MYOM1: variants seen among roughly 807,000 people sequenced by gnomAD.
MYOM1 encodes the protein myomesin-1.
A neutral mutation model predicts 205.3 loss-of-function variants in MYOM1; 164 were observed. The ratio of observed to expected loss-of-function variants is 0.80; its 90% confidence interval spans 0.70 to 0.91. The LOEUF (loss-of-function observed/expected upper bound fraction) is 0.91, where lower values mean the gene tolerates loss of function less well. Ranked by LOEUF, MYOM1 falls within the 40% of genes least tolerant of loss-of-function variation. MYOM1 has a pLI of 0.00. For missense variants in MYOM1, 2,011 were observed against 2,127.3 expected (o/e 0.95, Z 1.08); for synonymous variants, 772 against 789.4 (o/e 0.98, Z 0.37).
chr18:3,110,881 T>C (rs1457166637), intron 22 of MYOM1, among the ~76,000 whole-genome samples: 5 of 151,376 alleles, frequency 3.3e-5, no homozygotes, highest in African/African-American at 9.7e-5. Flanking sequence ...ACAGGCAAGA[T>C]TGAAAACTAC....
Position 3,067,280 on chromosome 18 carries a change from A to G in MYOM1, c.5040T>C (p.Gly1680=), listed in dbSNP as rs2230164. Residue 1680 remains glycine, a synonymous_variant, in exon 38 of 38, where the codon GGT becomes GGC. Coordinates refer to ENST00000356443, the MANE Select transcript of MYOM1 (RefSeq NM_003803.4). The part of the protein sequence containing the change: ...ARMAALESLK[G]GKKAK The stretch of plus-strand genomic sequence containing the variant: ...CCTCCGGTCACTTGGCCTTCTTGCC[A>G]CCTTTCAGGGACTCCAAGGCGGCCA... 787,184 of 1,602,184 alleles carry G rather than the reference A, an allele frequency of 0.49. 198,578 individuals carry two copies. The highest frequency in any genetic ancestry group is 0.79 in the African/African-American group (59,369 of 74,734).
At chr18:3,205,478 T>C (rs1397498442) in intron 2 of MYOM1, among the ~76,000 whole-genome samples, 1 of 152,138 alleles carries the variant, frequency 6.6e-6, no homozygotes, top group East Asian at 1.9e-4. Flanking sequence ...GTTAACAAAA[T>C]TGGTCATTAA....
At chr18:3,107,521 C>G (rs2079467489) in intron 22 of MYOM1, among the ~76,000 whole-genome samples, 1 of 152,170 alleles carries the variant, frequency 6.6e-6, no homozygotes, top group African/African-American at 2.4e-5. Context: ...TTAAATTCCA[C>G]AAATGTCTTA....
At chr18:3,208,689 T>G (rs2081155984) in intron 2 of MYOM1, among the ~76,000 whole-genome samples, 1 of 152,230 alleles carries the variant, frequency 6.6e-6, no homozygotes, top group South Asian at 2.1e-4. Flanking sequence ...TTGTATTGAT[T>G]TTTGTTACCC....
intron 5 of MYOM1, among the ~76,000 whole-genome samples, chr18:3,182,874 G>A (rs554279521): frequency 1.2e-4 from 18 of 151,476 alleles, no homozygotes; most frequent in African/African-American, 4.4e-4. Flanking sequence ...TTCACGGTAG[G>A]GGTGCAGCAG....
At chr18:3,107,889 G>A (rs2079472389) in intron 22 of MYOM1, among the ~76,000 whole-genome samples, 3 of 152,214 alleles carry the variant, frequency 2.0e-5, no homozygotes, top group Admixed American at 1.3e-4. Flanking sequence ...ACTAATGGGA[G>A]GTTACAAGAC....
chr18:3,119,190 A>G (rs966736602), intron 20 of MYOM1, among the ~76,000 whole-genome samples: 1 of 152,132 alleles, frequency 6.6e-6, no homozygotes, highest in Admixed American at 6.5e-5. Context: ...TGACCTCTGA[A>G]GAACAGTATT....
At chr18:3,195,310 T>C (rs2080980297) in intron 2 of MYOM1, among the ~76,000 whole-genome samples, 1 of 152,232 alleles carries the variant, frequency 6.6e-6, no homozygotes, top group Admixed American at 6.5e-5. Flanking sequence ...TTTTCTATGA[T>C]GAGCATTAAA....
rs2143747641 is a variant in MYOM1 at position 3,098,920 on chromosome 18, G to A, written c.3727+1239C>T. ...TGCGCCCTACAGTCGTGTCTCATGGGCCCTCCACTCTGCTACTTTGCTGAA... is the reference window on the plus strand; with the variant it reads ...TGCGCCCTACAGTCGTGTCTCATGGACCCTCCACTCTGCTACTTTGCTGAA... On this transcript the variant is annotated intron_variant, in intron 25 of 37. Coordinates refer to ENST00000356443, the MANE Select transcript of MYOM1 (RefSeq NM_003803.4). 2.0e-5 allele frequency among the ~76,000 whole-genome samples: 3 copies of A among 152,272 alleles called. No homozygotes were observed. In the South Asian group the frequency reaches 6.2e-4, roughly 32 times the overall value.
Position 3,119,916 on chromosome 18 carries a change from G to C in MYOM1, c.3071C>G (p.Ala1024Gly). 6.2e-7 allele frequency: 1 copy of C among 1,612,706 alleles called. No individual in the cohort carries two copies. Among genetic ancestry groups the C allele is most frequent in the Non-Finnish European group, 8.5e-7 (1 of 1,179,470 alleles). Residue 1024 changes from alanine (A) to glycine (G), a missense_variant, in exon 20 of 38, where the codon GCA becomes GGA. Transcript: ENST00000356443. ...TTCACATTTGAAGCATTCGCTTACT[G>C]CGGAGGGCGCGCCCAGCCCAGCCAT... Reference protein sequence around the residue: ...MNMAGLGAPSAVSECFKCEEW... With the variant: ...MNMAGLGAPSGVSECFKCEEW...
chr18:3,076,747 T>TCTCTC (rs1374940082), intron 34 of MYOM1, among the ~76,000 whole-genome samples: 2 of 148,400 alleles, frequency 1.3e-5, no homozygotes, highest in Non-Finnish European at 3.0e-5. Context: ...TGAGACGGAG[T>TCTCTC]TCTGTCACCA....
intron 16 of MYOM1, among the ~76,000 whole-genome samples, chr18:3,133,327 G>A (rs1318526462): frequency 2.0e-5 from 3 of 152,092 alleles, no homozygotes; most frequent in Non-Finnish European, 1.5e-5. Flanking sequence ...GCTGCCGAAC[G>A]AGTCTATTTG....
intron 10 of MYOM1, among the ~76,000 whole-genome samples, chr18:3,159,165 G>C (rs965611578): frequency 1.3e-5 from 2 of 152,116 alleles, no homozygotes; most frequent in African/African-American, 4.8e-5. Flanking sequence ...CCTGTGGGTG[G>C]CAGACTTACG....
chr18:3,163,697 A>G (rs1329856747), intron 10 of MYOM1, among the ~76,000 whole-genome samples: 1 of 152,110 alleles, frequency 6.6e-6, no homozygotes, highest in African/African-American at 2.4e-5. Context: ...CAAGTGATCC[A>G]CACATCTCAG....
At chr18:3,143,309 T>C (rs1045766846) in intron 13 of MYOM1, among the ~76,000 whole-genome samples, 9 of 151,974 alleles carry the variant, frequency 5.9e-5, no homozygotes, top group Non-Finnish European at 1.3e-4. Flanking sequence ...GAAGGTAAAA[T>C]AGAGGATTTT....
intron 22 of MYOM1, among the ~76,000 whole-genome samples, chr18:3,110,953 A>G (rs1454292872): frequency 1.4e-5 from 2 of 145,238 alleles, no homozygotes; most frequent in African/African-American, 5.1e-5. Context: ...TCTTTTTTAA[A>G]TTTTCTTTCT....
intron 8 of MYOM1, among the ~76,000 whole-genome samples, chr18:3,170,985 AG>A (rs2080548788): frequency 6.6e-6 from 1 of 152,206 alleles, no homozygotes; most frequent in African/African-American, 2.4e-5. Flanking sequence ...ACTTTGACCA[AG>A]TATTGGTCCA....
chr18:3,070,809 G>A (rs8088800), intron 37 of MYOM1, among the ~76,000 whole-genome samples: 48,863 of 150,720 alleles, frequency 0.32, 8,170 homozygotes, highest in African/African-American at 0.39. Flanking sequence ...GGTGTCTGTC[G>A]CCCGGGCTGG....
At chr18:3,116,668 A>G (rs2079611287) in intron 20 of MYOM1, among the ~76,000 whole-genome samples, 153 bp from the exon 21 acceptor site, 2 of 152,140 alleles carry the variant, frequency 1.3e-5, no homozygotes, top group Admixed American at 1.3e-4. Context: ...TTCTGTGGTC[A>G]TTTCACAACG....
Sources: gnomAD v4.1 joint callset for allele counts (sites outside exome capture counted in the v4.1 genomes callset) on GRCh38, gnomAD v4.1.1 for gene constraint, MANE v1.5 for transcripts, NCBI Gene and HGNC (gene_info 2026-07-23, HGNC 2026-07-21) for gene names.